TTC33: variants seen among roughly 807,000 people sequenced by gnomAD.
The protein encoded by TTC33 is tetratricopeptide repeat protein 33.
In TTC33, 24 loss-of-function variants were observed where a neutral mutation model predicts 29.4. The ratio of observed to expected loss-of-function variants is 0.82; its 90% CI spans 0.59 to 1.15. The LOEUF (loss-of-function observed/expected upper bound fraction) is 1.15, where lower values mean the gene tolerates loss of function less well. TTC33 is among the 50% of genes most tolerant of loss of function. The pLI, the probability that TTC33 is intolerant of heterozygous loss-of-function variation, is 0.00. For synonymous variants in TTC33, 107 were observed against 100.3 expected, an observed-to-expected ratio of 1.07 and a Z score of -0.40; for missense variants, 286 against 310.4, an observed-to-expected ratio of 0.92 and a Z score of 0.59.
chr5:40,753,194 G>A (rs1390407752), intron 1 of TTC33, among the ~76,000 whole-genome samples: 2 of 152,018 alleles, frequency 1.3e-5, no homozygotes, highest in South Asian at 2.1e-4. Context: ...GTGAAACCCC[G>A]TCTCTACAAA....
chr5:40,730,227 T>A, intron 3 of TTC33, 35 bp downstream of exon 3: 1 of 1,537,820 alleles, frequency 6.5e-7, no homozygotes, highest in South Asian at 1.2e-5. Context: ...ATAGCACAAT[T>A]TCATAAGGAA....
At chr5:40,734,326 G>A (rs752705754) in intron 2 of TTC33, among the ~76,000 whole-genome samples, 1 of 152,150 alleles carries the variant, frequency 6.6e-6, no homozygotes, top group Non-Finnish European at 1.5e-5. Flanking sequence ...GGAACAGACT[G>A]AACAGACACA....
rs925568663 is a variant in TTC33, at chr5:40,740,601, C to T, written c.221+6197G>A. Among the ~76,000 whole-genome samples the T allele has an allele frequency of 5.9e-5, 9 of 152,274 alleles. No individual in the cohort carries two copies. In the East Asian group the frequency reaches 9.7e-4, roughly 16 times the overall value. On this transcript the variant is annotated intron_variant, in intron 2 of 4. Transcript: ENST00000337702. ...GAAGTAGCAGAAATAAGAAGACCAG[C>T]TCATTCCCGAGGGGCATGGGACTCC...
intron 2 of TTC33, among the ~76,000 whole-genome samples, chr5:40,739,376 A>G (rs1206109531): frequency 2.6e-5 from 4 of 152,190 alleles, no homozygotes; most frequent in Non-Finnish European, 5.9e-5. Context: ...ACTATCTTCC[A>G]ATCTATGAGC....
Position 40,716,419 on chromosome 5 carries a change from C to T in TTC33, c.515G>A (p.Arg172Lys). 2 of 1,613,814 alleles carry T rather than the reference C, an allele frequency of 1.2e-6. No individual in the cohort carries two copies. Among genetic ancestry groups the T allele is most frequent in the African/African-American group, 1.3e-5 (1 of 75,020 alleles). ...EIWKEDLSWA[R>K]TLQEQQKVAQ... ...TACCTTCTGCTGCTCCTGGAGCGTT[C>T]TTGCCCAAGAGAGGTCTTCTTTCCA... The change falls in exon 5 of 5, where the codon AGA becomes AAA. Residue 172 changes from arginine to lysine, a missense_variant. Transcript: ENST00000337702.
chr5:40,722,251 C>T (rs186436781), intron 4 of TTC33, among the ~76,000 whole-genome samples: 7 of 152,236 alleles, frequency 4.6e-5, no homozygotes, highest in African/African-American at 9.6e-5. Flanking sequence ...GATCTCGGCT[C>T]GCTGCAACCT....
In TTC33 at chr5:40,711,786, A is replaced by C. The variant is rs1329863388; in HGVS notation, c.*4359T>G. Among the ~76,000 whole-genome samples, 2 of 152,140 alleles carry C rather than the reference A, an allele frequency of 1.3e-5. No homozygotes were observed. Among genetic ancestry groups the C allele is most frequent in the Non-Finnish European group, 2.9e-5 (2 of 67,988 alleles). ...GTTTCAAAAGCATCATGTTAAGCAAAAAAAAAGTCAGACACAAAAAGAGTG... is the reference window on the plus strand; with the variant it reads ...GTTTCAAAAGCATCATGTTAAGCAACAAAAAAGTCAGACACAAAAAGAGTG... On this transcript the variant is annotated 3_prime_UTR_variant, in exon 5 of 5. Transcript: ENST00000337702.
rs548209105 is a variant in TTC33, at chr5:40,733,913, C to A, written c.222-3570G>T. 5.9e-5 allele frequency among the ~76,000 whole-genome samples: 9 copies of A among 152,308 alleles called. No homozygotes were observed. In the South Asian group the frequency reaches 1.5e-3, roughly 25 times the overall value. On this transcript the variant is annotated intron_variant, in intron 2 of 4. Transcript: ENST00000337702. ...ATATACATACAAACAGACATACACA[C>A]ACACACGTGTAAACACAGGCTTACA... is the stretch of plus-strand genomic sequence containing the variant.
At chr5:40,724,311 C>G (rs1742227764) in intron 4 of TTC33, among the ~76,000 whole-genome samples, 1 of 152,160 alleles carries the variant, frequency 6.6e-6, no homozygotes, top group Non-Finnish European at 1.5e-5. Context: ...TACGATATCT[C>G]TAAAACAGGC....
chr5:40,714,739 G>A lies in TTC33; in HGVS notation c.*1406C>T, dbSNP rs1359913570. 1.3e-5 allele frequency: 2 copies of A among 152,198 alleles called. No homozygotes were observed. Among genetic ancestry groups the A allele is most frequent in the Non-Finnish European group, 2.9e-5 (2 of 67,960 alleles). The allele number at this position is 152,198 out of a possible 1,614,324, so 9.4% of individuals were successfully genotyped here. Reference sequence around the variant, plus strand: ...GTGCTAATTTCTCCAACCCTGAAAAGAGATATGCATTCCAATAAAACAAAA... The same window carrying A: ...GTGCTAATTTCTCCAACCCTGAAAAAAGATATGCATTCCAATAAAACAAAA... On this transcript the variant is annotated 3_prime_UTR_variant, in exon 5 of 5. Transcript: ENST00000337702.
chr5:40,727,083 T>C (rs1167273945), intron 4 of TTC33, among the ~76,000 whole-genome samples: 1 of 152,194 alleles, frequency 6.6e-6, no homozygotes, highest in African/African-American at 2.4e-5. Flanking sequence ...TTCCTTACTA[T>C]TTCTGAGAAT....
chr5:40,730,393 G>A, intron 2 of TTC33, 50 bp from the exon 3 acceptor site: 1 of 1,512,802 alleles, frequency 6.6e-7, no homozygotes. Flanking sequence ...ATGCTTTTTT[G>A]GACTTTCAAA....
chr5:40,721,951 A>G (rs543692474), intron 4 of TTC33, among the ~76,000 whole-genome samples: 2 of 152,346 alleles, frequency 1.3e-5, no homozygotes, highest in South Asian at 4.1e-4. Flanking sequence ...CAAAAAACCT[A>G]GTAACCTGAT....
At position 40,713,484 on chromosome 5, in the gene TTC33, G is replaced by C. The variant is rs1035427194; in HGVS notation, c.*2661C>G. On this transcript the variant is annotated 3_prime_UTR_variant, in exon 5 of 5. Transcript: ENST00000337702. ...ACTGAAACCACTGCCATAAAATTTT[G>C]TATGTAGGCCCCAGTTGCAGTAGAT... Among the ~76,000 whole-genome samples the C allele has an allele frequency of 1.3e-5, 2 of 152,116 alleles. No homozygotes were observed. The highest frequency in any genetic ancestry group is 4.8e-5 in the African/African-American group (2 of 41,434).
At chr5:40,748,876 T>C (rs1742846788) in intron 1 of TTC33, among the ~76,000 whole-genome samples, 1 of 152,224 alleles carries the variant, frequency 6.6e-6, no homozygotes, top group African/African-American at 2.4e-5. Context: ...GGCTCACGTC[T>C]GTAATCCTAG....
In TTC33 at chr5:40,738,572, A is replaced by T. The variant is rs7700707; in HGVS notation, c.221+8226T>A. 6.9e-3 allele frequency among the ~76,000 whole-genome samples: 510 copies of T among 73,666 alleles called. 10 individuals are homozygous for T. The highest frequency in any genetic ancestry group is 0.017 in the African/African-American group (282 of 16,832). 48.3% of individuals were successfully genotyped at this position (73,666 alleles called of 152,430 possible). On this transcript the variant is annotated intron_variant, in intron 2 of 4. Coordinates refer to ENST00000337702, the MANE Select transcript of TTC33 (RefSeq NM_012382.3). ...TAAAATAAAATAAAATAAAATATAAAATAAAATAAAATAAAATAAAATAAA... is the reference window on the plus strand; with the variant it reads ...TAAAATAAAATAAAATAAAATATAATATAAAATAAAATAAAATAAAATAAA...
At chr5:40,754,695 G>GATGTGC (rs1742953427) in intron 1 of TTC33, among the ~76,000 whole-genome samples, 1 of 152,196 alleles carries the variant, frequency 6.6e-6, no homozygotes, top group South Asian at 2.1e-4. Flanking sequence ...CTACAAGAGA[G>GATGTGC]TAAACAAAGG....
chr5:40,727,290 C>A (rs1742309597), intron 4 of TTC33, among the ~76,000 whole-genome samples: 1 of 152,096 alleles, frequency 6.6e-6, no homozygotes. Context: ...TTTTTAAAAT[C>A]TTAATTTACT....
At chr5:40,750,527 C>T (rs1478813485) in intron 1 of TTC33, among the ~76,000 whole-genome samples, 1 of 152,048 alleles carries the variant, frequency 6.6e-6, no homozygotes, top group African/African-American at 2.4e-5. Flanking sequence ...CACCGAACTC[C>T]ACCCTGGCAC....
Sources: allele counts gnomAD v4.1 joint callset (sites outside exome capture counted in the v4.1 genomes callset), GRCh38; gene constraint gnomAD v4.1.1; transcripts MANE v1.5; gene names NCBI Gene and HGNC (gene_info 2026-07-23, HGNC 2026-07-21).